The following ZNF385D variants were observed in gnomAD, a reference collection of about 807,000 sequenced individuals.
ZNF385D encodes the protein zinc finger protein 385D, also known as zinc finger protein 659.
ZNF385D carries 15 observed loss-of-function variants against 35.8 expected under a neutral mutation model. The ratio of observed to expected loss-of-function variants is 0.42; its 90% CI spans 0.28 to 0.64. The LOEUF is 0.64. Among genes scored for constraint, ZNF385D ranks in the 30% least tolerant of loss-of-function variants. The pLI, the probability that ZNF385D is intolerant of heterozygous loss-of-function variation, is 0.23. For synonymous variants in ZNF385D, 212 were observed against 186.8 expected (o/e 1.13, Z -1.10); for missense variants, 474 against 494.6 (o/e 0.96, Z 0.39).
intron 2 of ZNF385D, among the ~76,000 whole-genome samples, chr3:22,186,513 C>A (rs1046949574): frequency 6.6e-6 from 1 of 152,148 alleles, no homozygotes; most frequent in Admixed American, 6.6e-5. Flanking sequence ...GCTGCCATGT[C>A]CTGAAGTTAT....
intron 1 of ZNF385D, among the ~76,000 whole-genome samples, chr3:21,745,578 C>G (rs907755376): frequency 6.6e-6 from 1 of 152,188 alleles, no homozygotes; most frequent in African/African-American, 2.4e-5. Flanking sequence ...ACCTCTTATG[C>G]TGTATTTTCT....
At chr3:21,692,703 C>T (rs571047867) in intron 1 of ZNF385D, among the ~76,000 whole-genome samples, 2 of 152,302 alleles carry the variant, frequency 1.3e-5, no homozygotes, top group Non-Finnish European at 2.9e-5. Flanking sequence ...TGTCTTCATT[C>T]GTCTTCCTAT....
intron 2 of ZNF385D, among the ~76,000 whole-genome samples, chr3:22,300,701 T>C (rs567415550): frequency 3.2e-4 from 48 of 152,128 alleles, no homozygotes; most frequent in Non-Finnish European, 6.2e-4. Flanking sequence ...TCAATATCAC[T>C]AATCACTTGT....
intron 3 of ZNF385D, among the ~76,000 whole-genome samples, chr3:21,852,491 G>A (rs542736300): frequency 6.6e-6 from 1 of 151,890 alleles, no homozygotes; most frequent in African/African-American, 2.4e-5. Flanking sequence ...TTTTACTTTT[G>A]AGGCATCAAA....
At chr3:22,225,919 G>C (rs944979181) in intron 2 of ZNF385D, among the ~76,000 whole-genome samples, 1 of 152,088 alleles carries the variant, frequency 6.6e-6, no homozygotes, top group South Asian at 2.1e-4. Flanking sequence ...TGTTGTGCAC[G>C]TGTGCACATA....
chr3:22,249,854 T>G (rs1344010057), intron 2 of ZNF385D, among the ~76,000 whole-genome samples: 1 of 152,294 alleles, frequency 6.6e-6, no homozygotes, highest in East Asian at 1.9e-4. Context: ...TGGATGTATA[T>G]GCCATGTCAG....
At chr3:21,444,387 GT>G (rs137978112) in intron 4 of ZNF385D, among the ~76,000 whole-genome samples, 36,656 of 133,094 alleles carry the variant, frequency 0.28, 4,704 homozygotes, top group Non-Finnish European at 0.35. Flanking sequence ...GCCTTTTTTT[GT>G]TTTTTTTTTT....
At chr3:22,177,833 G>A (rs1416482247) in intron 2 of ZNF385D, among the ~76,000 whole-genome samples, 4 of 152,094 alleles carry the variant, frequency 2.6e-5, no homozygotes, top group African/African-American at 9.7e-5. Flanking sequence ...AACATACGGT[G>A]GTTGGTTTTT....
rs994370597 is a variant in ZNF385D, at chr3:21,454,536, C to T, written c.440-17333G>A. ...TTCAAGCATTCCAAGCATGCTCCCA[C>T]CTTAGAAACTTTGAGTTTCCTCTCA... On this transcript the variant is annotated intron_variant, in intron 4 of 7. Transcript: ENST00000281523. 3.3e-5 allele frequency among the ~76,000 whole-genome samples: 5 copies of T among 152,148 alleles called. No homozygotes were observed. In the East Asian group the frequency reaches 5.8e-4, roughly 18 times the overall value.
At chr3:22,135,205 G>A (rs1377335333) in intron 3 of ZNF385D, among the ~76,000 whole-genome samples, 1 of 152,042 alleles carries the variant, frequency 6.6e-6, no homozygotes, top group Non-Finnish European at 1.5e-5. Flanking sequence ...CTTATTTATA[G>A]ACATATTGGC....
chr3:21,528,012 C>G (rs537677297), intron 3 of ZNF385D, among the ~76,000 whole-genome samples: 1 of 152,078 alleles, frequency 6.6e-6, no homozygotes, highest in African/African-American at 2.4e-5. Flanking sequence ...GATGAGGAAA[C>G]TAAGGAACAC....
At chr3:22,095,779 G>T (rs532218748) in intron 3 of ZNF385D, among the ~76,000 whole-genome samples, 330 of 151,566 alleles carry the variant, frequency 2.2e-3, no homozygotes, top group Non-Finnish European at 3.3e-3. Context: ...CATTTCTACT[G>T]TTCAATAAAA....
chr3:21,817,868 C>G (rs2073221382), intron 3 of ZNF385D, among the ~76,000 whole-genome samples: 1 of 152,170 alleles, frequency 6.6e-6, no homozygotes, highest in Non-Finnish European at 1.5e-5. Context: ...GCTATAAAGA[C>G]ACATGCACAG....
intron 3 of ZNF385D, among the ~76,000 whole-genome samples, chr3:22,012,527 G>A (rs1273290399): frequency 6.6e-6 from 1 of 152,064 alleles, no homozygotes; most frequent in East Asian, 1.9e-4. Context: ...GAATTTTAAA[G>A]ATGAATAAAT....
At chr3:22,066,831 T>C (rs1295068618) in intron 3 of ZNF385D, among the ~76,000 whole-genome samples, 1 of 152,122 alleles carries the variant, frequency 6.6e-6, no homozygotes, top group Non-Finnish European at 1.5e-5. Context: ...AAAAAGAAAT[T>C]GAAAATATAT....
At chr3:21,838,987 T>A (rs189749119) in intron 3 of ZNF385D, among the ~76,000 whole-genome samples, 1 of 152,118 alleles carries the variant, frequency 6.6e-6, no homozygotes, top group Non-Finnish European at 1.5e-5. Flanking sequence ...TACTTTCTAT[T>A]ATTACAATTC....
chr3:22,323,577 C>G (rs1384197022), intron 2 of ZNF385D, among the ~76,000 whole-genome samples: 1 of 152,098 alleles, frequency 6.6e-6, no homozygotes, highest in South Asian at 2.1e-4. Context: ...CTAAAGACAG[C>G]TAACTTTCTT....
At chr3:22,243,484 G>A (rs1425853075) in intron 2 of ZNF385D, among the ~76,000 whole-genome samples, 2 of 150,990 alleles carry the variant, frequency 1.3e-5, no homozygotes, top group African/African-American at 2.4e-5. Context: ...CTATAGCAAC[G>A]AGAAGCTACT....
chr3:22,229,530 G>C (rs1449550732), intron 2 of ZNF385D, among the ~76,000 whole-genome samples: 4 of 151,782 alleles, frequency 2.6e-5, no homozygotes, highest in Non-Finnish European at 5.9e-5. Flanking sequence ...TATGATTGTG[G>C]GTTATAGCCC....
Sources: gnomAD v4.1 joint callset for allele counts (sites outside exome capture counted in the v4.1 genomes callset) on GRCh38, gnomAD v4.1.1 for gene constraint, MANE v1.5 for transcripts, NCBI Gene and HGNC (gene_info 2026-07-23, HGNC 2026-07-21) for gene names.